FSTL4: variants seen among roughly 807,000 people sequenced by gnomAD.
The protein encoded by FSTL4 is follistatin like 4.
FSTL4 carries 28 observed loss-of-function variants against 78.2 expected under a neutral mutation model. The ratio of observed to expected loss-of-function variants is 0.36; its 90% CI spans 0.27 to 0.49. FSTL4 has a LOEUF of 0.49. Among genes scored for constraint, FSTL4 ranks in the 20% least tolerant of loss-of-function variants. The pLI, the probability that FSTL4 is intolerant of heterozygous loss-of-function variation, is 0.98. For synonymous variants in FSTL4, 422 were observed against 440.5 expected (o/e 0.96, Z 0.53); for missense variants, 922 against 1,084.9 (o/e 0.85, Z 2.11).
At chr5:133,390,552 G>A (rs1441716532) in intron 4 of FSTL4, among the ~76,000 whole-genome samples, 1 of 152,244 alleles carries the variant, frequency 6.6e-6, no homozygotes, top group Admixed American at 6.5e-5. Flanking sequence ...GACCCAGGAT[G>A]CTGTACAGGG....
intron 4 of FSTL4, among the ~76,000 whole-genome samples, chr5:133,398,660 G>A (rs1756134950): frequency 6.6e-6 from 1 of 152,204 alleles, no homozygotes; most frequent in Non-Finnish European, 1.5e-5. Flanking sequence ...TGCTTGTGCA[G>A]CCCCTCCTTC....
At chr5:133,643,546 T>A in the FSTL4 span, among the ~76,000 whole-genome samples, 3 of 151,932 alleles carry the variant, frequency 2.0e-5, no homozygotes, top group African/African-American at 4.8e-5. Context: ...TTATGTCTAA[T>A]CCCTAATATT....
chr5:133,774,731 C>G, the FSTL4 span, among the ~76,000 whole-genome samples: 1 of 152,216 alleles, frequency 6.6e-6, no homozygotes, highest in Non-Finnish European at 1.5e-5. Context: ...ATTATCTACC[C>G]TCTTATTCTC....
At chr5:133,333,007 CT>C in intron 4 of FSTL4, among the ~76,000 whole-genome samples, 1 of 141,608 alleles carries the variant, frequency 7.1e-6, no homozygotes, top group Non-Finnish European at 1.5e-5. Context: ...CTCTCTCTGT[CT>C]CTCTCTCTCT....
the FSTL4 span, among the ~76,000 whole-genome samples, chr5:133,748,760 G>T: frequency 6.6e-6 from 1 of 152,166 alleles, no homozygotes; most frequent in African/African-American, 2.4e-5. Flanking sequence ...TCCACATCGT[G>T]ACTTGACCCA....
At chr5:133,404,969 C>T (rs528314361) in intron 3 of FSTL4, among the ~76,000 whole-genome samples, 1 of 152,302 alleles carries the variant, frequency 6.6e-6, no homozygotes, top group South Asian at 2.1e-4. Context: ...GAGGGAAAAC[C>T]CACGAGCTCT....
At chr5:133,213,719 G>T (rs2126776961) in intron 13 of FSTL4, among the ~76,000 whole-genome samples, 1 of 152,044 alleles carries the variant, frequency 6.6e-6, no homozygotes, top group Middle Eastern at 3.4e-3. Flanking sequence ...AAACAGGTAG[G>T]TCAAATAACA....
At chr5:133,701,725 A>C in the FSTL4 span, among the ~76,000 whole-genome samples, 1 of 152,224 alleles carries the variant, frequency 6.6e-6, no homozygotes. Flanking sequence ...TAGCAGGAAC[A>C]CAAAAAGCAT....
the FSTL4 span, among the ~76,000 whole-genome samples, chr5:133,678,623 G>T: frequency 6.6e-6 from 1 of 152,092 alleles, no homozygotes; most frequent in Non-Finnish European, 1.5e-5. Context: ...CTCATTTTGA[G>T]ATGCCACTGA....
chr5:133,817,044 C>T, the FSTL4 span, among the ~76,000 whole-genome samples: 1 of 152,264 alleles, frequency 6.6e-6, no homozygotes, highest in Admixed American at 6.5e-5. Flanking sequence ...TTCCCAGTGG[C>T]ATCCCCAACA....
At chr5:133,320,118 A>C (rs1486649713) in intron 4 of FSTL4, among the ~76,000 whole-genome samples, 1 of 152,036 alleles carries the variant, frequency 6.6e-6, no homozygotes, top group African/African-American at 2.4e-5. Context: ...ACAGGGCTTG[A>C]GGTGGAGTGG....
At chr5:133,500,272 T>C (rs1758464329) in intron 3 of FSTL4, among the ~76,000 whole-genome samples, 1 of 152,190 alleles carries the variant, frequency 6.6e-6, no homozygotes, top group South Asian at 2.1e-4. Flanking sequence ...ACAAAGAAAG[T>C]AGTTAGCTGA....
chr5:133,427,036 G>C (rs1011637602), intron 3 of FSTL4, among the ~76,000 whole-genome samples: 2 of 152,076 alleles, frequency 1.3e-5, no homozygotes, highest in African/African-American at 2.4e-5. Context: ...TCCATCCTAT[G>C]AACTAGCTCA....
intron 3 of FSTL4, among the ~76,000 whole-genome samples, chr5:133,474,636 G>A (rs1757891554): frequency 6.6e-6 from 1 of 152,134 alleles, no homozygotes; most frequent in Non-Finnish European, 1.5e-5. Context: ...TTCATTTTCT[G>A]CTTCCCTACC....
At chr5:133,256,613 C>T (rs2126830194) in intron 6 of FSTL4, 1 of 152,356 alleles carries the variant, frequency 6.6e-6, no homozygotes, top group South Asian at 2.1e-4. Context: ...TTTCAAATAA[C>T]TGCTGAATGT....
At chr5:133,456,688 A>AAAAAC (rs113400855) in intron 3 of FSTL4, among the ~76,000 whole-genome samples, 3,785 of 151,936 alleles carry the variant, frequency 0.025, 144 homozygotes, top group African/African-American at 0.078. Flanking sequence ...TTGTACTTAA[A>AAAAAC]AAAACAAAAC....
At chr5:133,520,977 A>C (rs1279995141) in intron 3 of FSTL4, among the ~76,000 whole-genome samples, 2 of 152,160 alleles carry the variant, frequency 1.3e-5, no homozygotes, top group African/African-American at 4.8e-5. Flanking sequence ...GTGGGTTCGA[A>C]GTCCCTGTGT....
At chr5:133,400,202 C>T (rs1397836741) in intron 4 of FSTL4, among the ~76,000 whole-genome samples, 2 of 152,220 alleles carry the variant, frequency 1.3e-5, no homozygotes, top group South Asian at 2.1e-4. Context: ...GTTCTGATGT[C>T]CATGCAGGGG....
chr5:133,622,445 A>T, the FSTL4 span, among the ~76,000 whole-genome samples: 2 of 152,160 alleles, frequency 1.3e-5, no homozygotes, highest in Non-Finnish European at 2.9e-5. Context: ...TTACTTCTTT[A>T]AAAAAGTGGC....
Sources: gnomAD v4.1 joint callset for allele counts (sites outside exome capture counted in the v4.1 genomes callset) on GRCh38, gnomAD v4.1.1 for gene constraint, MANE v1.5 for transcripts, NCBI Gene and HGNC (gene_info 2026-07-23, HGNC 2026-07-21) for gene names.